The following SGPP2 variants were observed in gnomAD, a reference collection of about 807,000 sequenced individuals.
SGPP2 encodes the protein sphingosine 1-phosphate phosphohydrolase 2.
Under a neutral mutation model 33.9 loss-of-function variants are expected in SGPP2, and 30 were observed. That is an observed-to-expected ratio of 0.89 (90% confidence interval 0.66 to 1.20). The LOEUF (loss-of-function observed/expected upper bound fraction) is 1.20, where lower values mean the gene tolerates loss of function less well. Among genes scored for constraint, SGPP2 ranks in the 50% most tolerant of loss-of-function variants. The pLI is 0.00. For synonymous variants in SGPP2, 233 were observed against 225.0 expected (o/e 1.04, Z -0.32); for missense variants, 458 against 532.1 (o/e 0.86, Z 1.37).
intron 2 of SGPP2, among the ~76,000 whole-genome samples, chr2:222,478,644 A>G (rs1697986584): frequency 6.6e-6 from 1 of 152,208 alleles, no homozygotes; most frequent in African/African-American, 2.4e-5. Context: ...CTGGAAGGCA[A>G]CTTTGTTCAG....
intron 2 of SGPP2, 88 bp downstream of exon 2, chr2:222,474,814 C>CTT (rs3075931): frequency 1.1e-4 from 90 of 788,692 alleles, no homozygotes; most frequent in Middle Eastern, 4.1e-4. Context: ...TATGTTCTTT[C>CTT]TTTTTTTTTT....
At chr2:222,547,133 T>C (rs1319674890) in intron 4 of SGPP2, among the ~76,000 whole-genome samples, 1 of 152,236 alleles carries the variant, frequency 6.6e-6, no homozygotes, top group Non-Finnish European at 1.5e-5. Context: ...TGCATGGGCC[T>C]GCTTAACAAT....
chr2:222,501,053 G>A (rs1351200305), intron 2 of SGPP2, among the ~76,000 whole-genome samples: 1 of 152,144 alleles, frequency 6.6e-6, no homozygotes, highest in Non-Finnish European at 1.5e-5. Flanking sequence ...GGGAGATTTG[G>A]TCTTTTTTAA....
At chr2:222,478,189 A>G (rs375663823) in intron 2 of SGPP2, among the ~76,000 whole-genome samples, 12 of 82,782 alleles carry the variant, frequency 1.4e-4, no homozygotes, top group African/African-American at 6.4e-4. Flanking sequence ...AGAGAGGGAG[A>G]GAGGGAGGGA....
chr2:222,519,175 C>T (rs1000970937), intron 2 of SGPP2, among the ~76,000 whole-genome samples: 6 of 152,186 alleles, frequency 3.9e-5, no homozygotes, highest in Non-Finnish European at 1.5e-5. Flanking sequence ...GATTAAAGCC[C>T]ACAACAAAGT....
chr2:222,551,163 C>T (rs1689288325), intron 4 of SGPP2, among the ~76,000 whole-genome samples: 1 of 152,158 alleles, frequency 6.6e-6, no homozygotes, highest in Non-Finnish European at 1.5e-5. Context: ...ACCATCTGCA[C>T]TCTTTCCTCT....
intron 4 of SGPP2, among the ~76,000 whole-genome samples, chr2:222,541,319 A>T (rs1374072232): frequency 6.6e-6 from 1 of 152,230 alleles, no homozygotes; most frequent in Non-Finnish European, 1.5e-5. Context: ...CTTAGGACAG[A>T]GGGAAGACTG....
rs1441570681 is a variant in SGPP2, at chr2:222,562,070, G to A, written c.*3172G>A. Among the ~76,000 whole-genome samples, 3 of 152,266 alleles carry A rather than the reference G, an allele frequency of 2.0e-5. No homozygotes were observed. Among genetic ancestry groups the A allele is most frequent in the East Asian group, 3.9e-4 (2 of 5,190 alleles). ...CCATCCCTCTCGATCTGGCATCTTG[G>A]AGATTAATTTAAAAGGCAAGCTCAC... On this transcript the variant is annotated 3_prime_UTR_variant, in exon 5 of 5. Transcript: ENST00000321276.
intron 1 of SGPP2, among the ~76,000 whole-genome samples, chr2:222,438,482 A>C (rs1697277616): frequency 8.5e-5 from 13 of 152,262 alleles, no homozygotes; most frequent in Admixed American, 8.5e-4. Context: ...GAGGTAGGAC[A>C]GTAAAGGTAT....
intron 1 of SGPP2, among the ~76,000 whole-genome samples, chr2:222,452,165 C>T (rs1474905048): frequency 6.6e-6 from 1 of 152,018 alleles, no homozygotes; most frequent in African/African-American, 2.4e-5. Flanking sequence ...CCTTAGCAGC[C>T]AAGGTTATTA....
At chr2:222,428,632 C>G (rs1697106882) in intron 1 of SGPP2, among the ~76,000 whole-genome samples, 1 of 152,054 alleles carries the variant, frequency 6.6e-6, no homozygotes, top group Admixed American at 6.6e-5. Flanking sequence ...TCTACGAAAC[C>G]TTGATTTCAT....
At chr2:222,512,363 A>T (rs890384422) in intron 2 of SGPP2, among the ~76,000 whole-genome samples, 15 of 152,088 alleles carry the variant, frequency 9.9e-5, no homozygotes, top group African/African-American at 3.4e-4. Context: ...AGTTGAGTGG[A>T]AAGTATAGAG....
chr2:222,524,362 A>T (rs1427623637), intron 3 of SGPP2, among the ~76,000 whole-genome samples: 1 of 152,204 alleles, frequency 6.6e-6, no homozygotes, highest in African/African-American at 2.4e-5. Flanking sequence ...TGTTCCTTAT[A>T]TGATTCAGCA....
At chr2:222,545,667 A>G (rs1689177817) in intron 4 of SGPP2, among the ~76,000 whole-genome samples, 1 of 152,186 alleles carries the variant, frequency 6.6e-6, no homozygotes, top group South Asian at 2.1e-4. Flanking sequence ...ATTTCTCTTA[A>G]TCATTGCAAC....
chr2:222,439,767 T>C (rs1697297388), intron 1 of SGPP2, among the ~76,000 whole-genome samples: 4 of 152,192 alleles, frequency 2.6e-5, no homozygotes, highest in Non-Finnish European at 1.5e-5. Context: ...ATAAACAAAT[T>C]AGTAGTTGCT....
rs200494091 is a variant in SGPP2, at chr2:222,561,118, G to T, written c.*2220G>T. Among the ~76,000 whole-genome samples the T allele has an allele frequency of 2.8e-5, 4 of 142,798 alleles. No homozygotes were observed. Among genetic ancestry groups the T allele is most frequent in the African/African-American group, 1.0e-4 (4 of 38,726 alleles). The allele number at this position is 142,798 out of a possible 152,430, so 93.7% of individuals were successfully genotyped here. ...AGACTCTCTCAAAAAAAAAAAAAAA[G>T]AATTTTTAGCAAAACATCCTGTTTT... is the stretch of plus-strand genomic sequence containing the variant. On this transcript the variant is annotated 3_prime_UTR_variant, in exon 5 of 5. Transcript: ENST00000321276.
At chr2:222,508,118 GA>G (rs1381830248) in intron 2 of SGPP2, among the ~76,000 whole-genome samples, 4 of 152,194 alleles carry the variant, frequency 2.6e-5, no homozygotes, top group Non-Finnish European at 5.9e-5. Flanking sequence ...GGATGGTAGG[GA>G]TAAGCAATTT....
At chr2:222,546,825 C>CA (rs5838955) in intron 4 of SGPP2, among the ~76,000 whole-genome samples, 54,124 of 116,286 alleles carry the variant, frequency 0.47, 11,232 homozygotes, top group Middle Eastern at 0.58. Flanking sequence ...ACACATGTTG[C>CA]AAAAAAAAAA....
chr2:222,539,707 C>A (rs1246509067), intron 4 of SGPP2, among the ~76,000 whole-genome samples: 4 of 152,242 alleles, frequency 2.6e-5, no homozygotes, highest in African/African-American at 9.6e-5. Flanking sequence ...TGGCTTCAAC[C>A]TCCATGCCAC....
Sources: allele counts gnomAD v4.1 joint callset (sites outside exome capture counted in the v4.1 genomes callset), GRCh38; gene constraint gnomAD v4.1.1; transcripts MANE v1.5; gene names NCBI Gene and HGNC (gene_info 2026-07-23, HGNC 2026-07-21).